SERPINA11: variants seen among roughly 807,000 people sequenced by gnomAD.
SERPINA11 encodes serpin family A member 11, also known as serpin A11.
SERPINA11 carries 28 observed loss-of-function variants against 29.4 expected under a neutral mutation model. That is an observed-to-expected ratio of 0.95 (90% confidence interval 0.70 to 1.30). The LOEUF (loss-of-function observed/expected upper bound fraction) is 1.30, where lower values mean the gene tolerates loss of function less well. Ranked by LOEUF, SERPINA11 falls within the 50% of genes most tolerant of loss-of-function variation. The probability of loss-of-function intolerance (pLI) is 0.00; values close to 1 mark genes in which losing one functional copy is unlikely to be tolerated. For synonymous variants in SERPINA11, 253 were observed against 206.6 expected, an observed-to-expected ratio of 1.22 and a Z score of -1.92; for missense variants, 530 against 507.3, an observed-to-expected ratio of 1.04 and a Z score of -0.43.
chr14:94,449,842 A>G (rs563754639), intron 1 of SERPINA11, among the ~76,000 whole-genome samples: 82 of 152,308 alleles, frequency 5.4e-4, no homozygotes, highest in African/African-American at 1.9e-3. Flanking sequence ...CCACACTGCC[A>G]GTGATATTAG....
intron 1 of SERPINA11, among the ~76,000 whole-genome samples, chr14:94,450,347 T>C (rs1319660140): frequency 2.0e-5 from 3 of 152,126 alleles, no homozygotes; most frequent in South Asian, 2.1e-4. Context: ...AGGCTCCTAA[T>C]CCAATATGAC....
At chr14:94,443,533 CA>C (rs1294487908) in intron 3 of SERPINA11, among the ~76,000 whole-genome samples, 1 of 152,166 alleles carries the variant, frequency 6.6e-6, no homozygotes, top group Non-Finnish European at 1.5e-5. Context: ...TATGTTTTTT[CA>C]AGGCTGAACT....
chr14:94,443,062 A>C lies in SERPINA11; in HGVS notation c.1065+16T>G. 3 of 1,602,798 alleles carry C rather than the reference A, an allele frequency of 1.9e-6. No homozygotes were observed. The highest frequency in any genetic ancestry group is 2.6e-6 in the Non-Finnish European group (3 of 1,175,864). Reference sequence around the variant, plus strand: ...TACCCCCACCTGCCCACAAACATCCATGTTCACCACTTTACCTTGGAGATG... The same window carrying C: ...TACCCCCACCTGCCCACAAACATCCCTGTTCACCACTTTACCTTGGAGATG... On this transcript the variant is annotated intron_variant, in intron 4 of 4. Coordinates refer to ENST00000334708, the MANE Select transcript of SERPINA11 (RefSeq NM_001080451.2).
chr14:94,442,883 G>T, intron 4 of SERPINA11, 74 bp from the exon 5 acceptor site: 1 of 1,362,954 alleles, frequency 7.3e-7, no homozygotes, highest in Non-Finnish European at 1.0e-6. Context: ...TTCCTGCCAT[G>T]AAGAATAGAA....
intron 3 of SERPINA11, among the ~76,000 whole-genome samples, chr14:94,443,910 C>A (rs1335294186): frequency 6.6e-6 from 1 of 152,204 alleles, no homozygotes; most frequent in East Asian, 1.9e-4. Context: ...CAAATCTGCC[C>A]TTTCTCTCTG....
At chr14:94,443,056 A>G in intron 4 of SERPINA11, 22 bp downstream of exon 4, 1 of 1,594,554 alleles carries the variant, frequency 6.3e-7, no homozygotes, top group African/African-American at 1.4e-5. Context: ...CTGCCCACAA[A>G]CATCCATGTT....
At position 94,443,097 on chromosome 14, in the gene SERPINA11, A is replaced by T; in HGVS notation, c.1046T>A (p.Leu349His). The T allele has an allele frequency of 6.2e-7, 1 of 1,612,670 alleles. No individual in the cohort carries two copies. Among genetic ancestry groups the T allele is most frequent in the Non-Finnish European group, 8.5e-7 (1 of 1,179,474 alleles). The change falls in exon 4 of 5, where the codon CTC becomes CAC. Residue 349 changes from leucine to histidine, a missense_variant. Leu to His is a moderately conservative substitution (Grantham distance 99). Transcript: ENST00000334708. ...CTTTACCTTGGAGATGGTTTTGTTGAGCTGCCCAGTGACTCCTGAGAAGTC... is the reference window on the plus strand; with the variant it reads ...CTTTACCTTGGAGATGGTTTTGTTGTGCTGCCCAGTGACTCCTGAGAAGTC... ...EADFSGVTGQ[L>H]NKTISKVSHK...
chr14:94,450,794 C>A (rs1370053105), intron 1 of SERPINA11, among the ~76,000 whole-genome samples: 2 of 152,148 alleles, frequency 1.3e-5, no homozygotes, highest in Non-Finnish European at 2.9e-5. Context: ...GCAGCCTGAG[C>A]TGGAGGGGGA....
chr14:94,451,087 T>C (rs1253319783), intron 1 of SERPINA11, among the ~76,000 whole-genome samples: 1 of 152,212 alleles, frequency 6.6e-6, no homozygotes, highest in Non-Finnish European at 1.5e-5. Context: ...CCTGATAACA[T>C]TTGTGTCTTA....
At chr14:94,449,226 C>T (rs1898512311) in intron 1 of SERPINA11, among the ~76,000 whole-genome samples, 1 of 151,840 alleles carries the variant, frequency 6.6e-6, no homozygotes, top group South Asian at 2.1e-4. Flanking sequence ...TGGCATGTTC[C>T]TGTAGTCGCT....
At chr14:94,447,364 C>T (rs1319370008) in intron 2 of SERPINA11, among the ~76,000 whole-genome samples, 1 of 152,190 alleles carries the variant, frequency 6.6e-6, no homozygotes, top group East Asian at 1.9e-4. Context: ...TACATACCCA[C>T]ACCCAATCAA....
At chr14:94,451,346 C>T (rs1273775998) in intron 1 of SERPINA11, among the ~76,000 whole-genome samples, 1 of 152,192 alleles carries the variant, frequency 6.6e-6, no homozygotes, top group East Asian at 1.9e-4. Context: ...TCCCTTTCTC[C>T]AGCACAGTGT....
At chr14:94,447,925 A>G (rs1898476533) in intron 2 of SERPINA11, among the ~76,000 whole-genome samples, 2 of 152,208 alleles carry the variant, frequency 1.3e-5, no homozygotes, top group Non-Finnish European at 2.9e-5. Context: ...CCCAATGCCT[A>G]TGCAAGGACA....
Position 94,448,043 on chromosome 14 carries a change from G to A in SERPINA11, c.643+89C>T. The A allele has an allele frequency of 2.4e-6, 3 of 1,271,602 alleles. No homozygotes were observed. In the South Asian group the frequency reaches 4.1e-5, roughly 18 times the overall value. 78.8% of individuals were successfully genotyped at this position (1,271,602 alleles called of 1,614,324 possible). On this transcript the variant is annotated intron_variant, in intron 2 of 4. Transcript: ENST00000334708. ...TCTTATTCATAGATTTCCCCAAGTG[G>A]TTAGCAAAGAACCTATTAGCTGGCT...
intron 1 of SERPINA11, among the ~76,000 whole-genome samples, chr14:94,449,168 T>C (rs1053926881): frequency 6.6e-6 from 1 of 151,974 alleles, no homozygotes; most frequent in Admixed American, 6.5e-5. Context: ...CTGGGCAACA[T>C]AGGGAGACCC....
At chr14:94,448,867 G>T in intron 1 of SERPINA11, 90 bp from the exon 2 acceptor site, 1 of 1,259,720 alleles carries the variant, frequency 7.9e-7, no homozygotes, top group Non-Finnish European at 1.1e-6. Context: ...CCTTCACAAT[G>T]TGCCCCACAG....
rs1898360149 is a variant in SERPINA11 at position 94,442,528 on chromosome 14, G to T, written c.*78C>A. On this transcript the variant is annotated 3_prime_UTR_variant, in exon 5 of 5. Transcript: ENST00000334708. The stretch of plus-strand genomic sequence containing the variant: ...CACTGATTAACTGAACCACATAGCA[G>T]CCCCAGGATGCAGGCTGGTTCTGGC... 2.0e-6 allele frequency: 2 copies of T among 1,020,154 alleles called. No homozygotes were observed. The highest frequency in any genetic ancestry group is 2.9e-6 in the Non-Finnish European group (2 of 689,780). The allele number at this position is 1,020,154 out of a possible 1,614,324, so 63.2% of individuals were successfully genotyped here.
At chr14:94,447,617 A>G (rs1425005371) in intron 2 of SERPINA11, among the ~76,000 whole-genome samples, 1 of 152,166 alleles carries the variant, frequency 6.6e-6, no homozygotes, top group African/African-American at 2.4e-5. Context: ...GGAGCCCTCA[A>G]CCTGGCCTTG....
Position 94,442,789 on chromosome 14 carries a change from C to G in SERPINA11, c.1086G>C (p.Val362=), listed in dbSNP as rs141328448. The G allele has an allele frequency of 3.7e-5, 59 of 1,609,258 alleles. No individual in the cohort carries two copies. In the African/African-American group the frequency reaches 7.3e-4, roughly 20 times the overall value. ...TISKVSHKAM[V]DMSEKGTEAG... is the part of the protein sequence containing the mutation. ...CCTCGGTCCCCTTCTCACTCATGTC[C>G]ACCATCGCCTTGTGTGACACCTAGA... The change falls in exon 5 of 5, where the codon GTG becomes GTC. Residue 362 remains valine (V), a synonymous_variant. Transcript: ENST00000334708.
Sources: allele counts gnomAD v4.1 joint callset (sites outside exome capture counted in the v4.1 genomes callset), GRCh38; gene constraint gnomAD v4.1.1; transcripts MANE v1.5; gene names NCBI Gene and HGNC (gene_info 2026-07-23, HGNC 2026-07-21).